Variants in NOTCH2 observed in about 807,000 individuals in gnomAD.
NOTCH2 encodes neurogenic locus notch homolog protein 2.
In NOTCH2, 29 loss-of-function variants were observed where a neutral mutation model predicts 235.8. That is an observed-to-expected ratio of 0.12 (90% CI 0.09 to 0.17). The LOEUF (loss-of-function observed/expected upper bound fraction) is 0.17. Ranked by LOEUF, NOTCH2 falls within the 10% of genes least tolerant of loss-of-function variation. The probability of loss-of-function intolerance (pLI) is 1.00; values close to 1 mark genes in which losing one functional copy is unlikely to be tolerated. For synonymous variants in NOTCH2, 1,086 were observed against 1,141.5 expected, an observed-to-expected ratio of 0.95 and a Z score of 0.98; for missense variants, 2,285 against 3,150.2, an observed-to-expected ratio of 0.73 and a Z score of 6.57.
intron 17 of NOTCH2, among the ~76,000 whole-genome samples, chr1:119,943,189 G>A (rs1274722936): frequency 6.6e-6 from 1 of 152,128 alleles, no homozygotes; most frequent in African/African-American, 2.4e-5. Flanking sequence ...CACCTAGCAT[G>A]GTGGCCTCTA....
At chr1:120,009,597 A>T (rs1653105628) in intron 2 of NOTCH2, among the ~76,000 whole-genome samples, 1 of 152,066 alleles carries the variant, frequency 6.6e-6, no homozygotes, top group Non-Finnish European at 1.5e-5. Context: ...CAAAACTTTA[A>T]TTCTAATTAT....
At chr1:120,068,752 G>C (rs782038986) in intron 1 of NOTCH2, 1 of 342,498 alleles carries the variant, frequency 2.9e-6, no homozygotes, top group South Asian at 2.1e-5. Context: ...AGCACACACG[G>C]CTCCCCCGGA....
chr1:119,913,672 C>T lies in NOTCH2; in HGVS notation c.*1634G>A, dbSNP rs1648964341. The T allele has an allele frequency of 4.3e-6, 1 of 233,222 alleles. No individual in the cohort carries two copies. Among genetic ancestry groups the T allele is most frequent in the African/African-American group, 2.2e-5 (1 of 45,462 alleles). The allele number at this position is 233,222 out of a possible 1,614,324, so 14.4% of individuals were successfully genotyped here. Reference sequence around the variant, plus strand: ...AGAGCATGAATACAGAGAGTGGATTCAGGTGAGGGGCAATCAGTCTGAACA... The same window carrying T: ...AGAGCATGAATACAGAGAGTGGATTTAGGTGAGGGGCAATCAGTCTGAACA... On this transcript the variant is annotated 3_prime_UTR_variant, in exon 34 of 34. Coordinates refer to ENST00000256646, the MANE Select transcript of NOTCH2 (RefSeq NM_024408.4).
intron 5 of NOTCH2, 64 bp downstream of exon 5, chr1:119,986,896 A>G: frequency 6.2e-7 from 1 of 1,610,142 alleles, no homozygotes; most frequent in East Asian, 2.2e-5. Context: ...TATTTTAAAA[A>G]AACAGTCTGC....
intron 23 of NOTCH2, among the ~76,000 whole-genome samples, chr1:119,928,750 T>C (rs1333017819): frequency 1.3e-5 from 2 of 152,192 alleles, no homozygotes; most frequent in Non-Finnish European, 2.9e-5. Flanking sequence ...CATGATATAA[T>C]CAATGCACAA....
intron 25 of NOTCH2, 69 bp downstream of exon 25, chr1:119,925,236 A>C: frequency 6.3e-7 from 1 of 1,599,568 alleles, no homozygotes; most frequent in East Asian, 2.2e-5. Flanking sequence ...AGTGGTTAGG[A>C]GCAAGAACGA....
Position 119,918,570 on chromosome 1 carries a change from T to C in NOTCH2, c.5782-17A>G. 1 of 1,613,562 alleles carries C rather than the reference T, an allele frequency of 6.2e-7. No homozygotes were observed. ...AATCAGAATCTAGAAGAGGAGAAAG[T>C]ACAGAAAAGAGAGTCACCTGGATGA... On this transcript the variant is annotated splice_polypyrimidine_tract_variant and intron_variant, in intron 31 of 33. Coordinates refer to ENST00000256646, the MANE Select transcript of NOTCH2 (RefSeq NM_024408.4).
At chr1:119,978,146 A>G (rs587773627) in intron 5 of NOTCH2, among the ~76,000 whole-genome samples, 1 of 152,232 alleles carries the variant, frequency 6.6e-6, no homozygotes, top group South Asian at 2.1e-4. Flanking sequence ...AGAGGGGAGA[A>G]GTGTGTGAGG....
intron 3 of NOTCH2, among the ~76,000 whole-genome samples, chr1:119,999,932 A>G (rs1652654418): frequency 1.0e-5 from 1 of 96,370 alleles, no homozygotes; most frequent in African/African-American, 5.7e-5. Context: ...AGAAAGAAAG[A>G]AAGAAAGAAA....
intron 11 of NOTCH2, among the ~76,000 whole-genome samples, chr1:119,960,225 C>T (rs1368179412): frequency 6.6e-6 from 1 of 152,084 alleles, no homozygotes; most frequent in Non-Finnish European, 1.5e-5. Flanking sequence ...AAAGATAAAA[C>T]TTAAGCTTTC....
At chr1:120,047,467 G>T (rs1654826669) in intron 1 of NOTCH2, among the ~76,000 whole-genome samples, 1 of 86,092 alleles carries the variant, frequency 1.2e-5, no homozygotes, top group East Asian at 3.5e-4. Flanking sequence ...GATCATTTGA[G>T]GTCAGCAGTT....
intron 5 of NOTCH2, among the ~76,000 whole-genome samples, chr1:119,976,784 C>G (rs1449513394): frequency 6.6e-6 from 1 of 152,044 alleles, no homozygotes; most frequent in Non-Finnish European, 1.5e-5. Flanking sequence ...GGGCTTTTTT[C>G]ATTTCTCAAA....
In NOTCH2 at chr1:120,037,666, T is replaced by C. The variant is rs587606381; in HGVS notation, c.74-7679A>G. ...TCTTCCTCCTTGAAATTTGTCTTGA[T>C]TAAAAGGAAAAAAAAAAACAAAAAA... On this transcript the variant is annotated intron_variant, in intron 1 of 33. Coordinates refer to ENST00000256646, the MANE Select transcript of NOTCH2 (RefSeq NM_024408.4). Among the ~76,000 whole-genome samples, 3 of 151,844 alleles carry C rather than the reference T, an allele frequency of 2.0e-5. No homozygotes were observed. In the East Asian group the frequency reaches 5.8e-4, roughly 29 times the overall value.
rs699780 is a variant in NOTCH2 at position 119,912,818 on chromosome 1, A to G, written c.*2488T>C. 0.26 allele frequency: 59,608 copies of G among 233,320 alleles called. 14,524 individuals carry two copies. The highest frequency in any genetic ancestry group is 0.73 in the African/African-American group (33,311 of 45,346). The allele number at this position is 233,320 out of a possible 1,614,324, so 14.5% of individuals were successfully genotyped here. ...AAGAGTTCTTAAAATCTAAGAGATCAGTAAAAAGTTTGAAAGGCAGTGTTG... is the reference window on the plus strand; with the variant it reads ...AAGAGTTCTTAAAATCTAAGAGATCGGTAAAAAGTTTGAAAGGCAGTGTTG... On this transcript the variant is annotated 3_prime_UTR_variant, in exon 34 of 34. Coordinates refer to ENST00000256646, the MANE Select transcript of NOTCH2 (RefSeq NM_024408.4).
chr1:119,943,294 C>A (rs1251808407), intron 17 of NOTCH2, among the ~76,000 whole-genome samples: 1 of 152,096 alleles, frequency 6.6e-6, no homozygotes, highest in African/African-American at 2.4e-5. Context: ...ATACAAGTAA[C>A]TAAGGATCGG....
chr1:119,967,411 A>C, intron 8 of NOTCH2, 22 bp downstream of exon 8: 1 of 1,608,036 alleles, frequency 6.2e-7, no homozygotes, highest in South Asian at 1.1e-5. Context: ...TCTAGACCCA[A>C]CATGCTGATG....
chr1:120,025,019 G>A (rs1165793936), intron 2 of NOTCH2, among the ~76,000 whole-genome samples: 7 of 150,916 alleles, frequency 4.6e-5, no homozygotes, highest in African/African-American at 7.3e-5. Flanking sequence ...TTTTTTTATC[G>A]TGAAGGTACA....
chr1:120,024,663 A>C (rs1653771965), intron 2 of NOTCH2, among the ~76,000 whole-genome samples: 1 of 151,366 alleles, frequency 6.6e-6, no homozygotes, highest in Non-Finnish European at 1.5e-5. Context: ...ATTTACCTTA[A>C]AGTGTAGTTT....
In NOTCH2 at chr1:119,941,843, G is replaced by A. The variant is rs1650075534; in HGVS notation, c.2753-89C>T. 5.0e-6 allele frequency: 5 copies of A among 999,714 alleles called. No individual in the cohort carries two copies. In the South Asian group the frequency reaches 6.8e-5, roughly 14 times the overall value. 61.9% of individuals were successfully genotyped at this position (999,714 alleles called of 1,614,324 possible). A position where few individuals can be genotyped will look rare whatever the true frequency, so the allele number is the denominator to read the frequency against. On this transcript the variant is annotated intron_variant, in intron 17 of 33. Coordinates refer to ENST00000256646, the MANE Select transcript of NOTCH2 (RefSeq NM_024408.4). The stretch of plus-strand genomic sequence containing the variant: ...AAGTGAATGACCTGAACTAAGTCAT[G>A]CTGGGGGCAGCATAATTCTGACTTT...
Sources: allele counts gnomAD v4.1 joint callset (sites outside exome capture counted in the v4.1 genomes callset), GRCh38; gene constraint gnomAD v4.1.1; transcripts MANE v1.5; gene names NCBI Gene and HGNC (gene_info 2026-07-23, HGNC 2026-07-21).